The following FRMD4A variants were observed in gnomAD, a reference collection of about 807,000 sequenced individuals.
The protein encoded by FRMD4A is FERM domain containing 4A.
Under a neutral mutation model 129.1 loss-of-function variants are expected in FRMD4A, and 29 were observed. The ratio of observed to expected loss-of-function variants is 0.22; its 90% CI spans 0.17 to 0.31. FRMD4A has a LOEUF of 0.31. Among genes scored for constraint, FRMD4A ranks in the 10% least tolerant of loss-of-function variants. The pLI is 1.00. For synonymous variants in FRMD4A, 634 were observed against 571.6 expected, an observed-to-expected ratio of 1.11 and a Z score of -1.56; for missense variants, 1,272 against 1,375.8, an observed-to-expected ratio of 0.92 and a Z score of 1.19.
chr10:13,841,274 G>C (rs1285010021), intron 3 of FRMD4A, among the ~76,000 whole-genome samples: 1 of 152,198 alleles, frequency 6.6e-6, no homozygotes, highest in Admixed American at 6.5e-5. Flanking sequence ...TAAAGAATTT[G>C]ACTGGCTTTT....
At chr10:14,097,939 C>T (rs2400034) in intron 2 of FRMD4A, among the ~76,000 whole-genome samples, 72,412 of 142,312 alleles carry the variant, frequency 0.51, 18,476 homozygotes, top group East Asian at 0.6. Flanking sequence ...TTGTATATTA[C>T]ATATATTATA....
chr10:13,784,119 T>G (rs905777988), intron 5 of FRMD4A, among the ~76,000 whole-genome samples: 1 of 152,082 alleles, frequency 6.6e-6, no homozygotes, highest in African/African-American at 2.4e-5. Context: ...CTGGGGCTCT[T>G]GGAAACTGGG....
intron 2 of FRMD4A, among the ~76,000 whole-genome samples, chr10:14,129,253 C>A (rs1325581754): frequency 1.3e-5 from 2 of 151,206 alleles, no homozygotes; most frequent in Non-Finnish European, 2.9e-5. Context: ...ATTCAAGGAA[C>A]CAAGGCACAG....
intron 3 of FRMD4A, among the ~76,000 whole-genome samples, chr10:13,839,869 C>A (rs937741973): frequency 6.6e-6 from 1 of 152,176 alleles, no homozygotes; most frequent in Non-Finnish European, 1.5e-5. Flanking sequence ...AAACACTGAG[C>A]CTGCTGTCTT....
chr10:14,195,042 C>A (rs1466868212), intron 2 of FRMD4A, among the ~76,000 whole-genome samples: 2 of 152,046 alleles, frequency 1.3e-5, no homozygotes, highest in Non-Finnish European at 2.9e-5. Context: ...TTCTTTCATT[C>A]CTTAAAAGTG....
chr10:13,707,420 C>T, intron 12 of FRMD4A: 1 of 1,072,692 alleles, frequency 9.3e-7, no homozygotes, highest in Non-Finnish European at 1.1e-6. Flanking sequence ...CAGTCCCCAG[C>T]TTGGCAGACT....
intron 8 of FRMD4A, among the ~76,000 whole-genome samples, chr10:13,755,702 A>G (rs2091831342): frequency 1.3e-5 from 2 of 152,192 alleles, no homozygotes; most frequent in African/African-American, 2.4e-5. Context: ...TTTGTTTTAA[A>G]GAAACAGAAT....
At chr10:13,717,777 C>A (rs1429864276) in intron 12 of FRMD4A, among the ~76,000 whole-genome samples, 5 of 146,214 alleles carry the variant, frequency 3.4e-5, no homozygotes, top group African/African-American at 1.3e-4. Flanking sequence ...TATCCAGAGA[C>A]GTGGCATCAT....
At chr10:13,925,012 C>T (rs574142243) in intron 2 of FRMD4A, among the ~76,000 whole-genome samples, 74 of 136,822 alleles carry the variant, frequency 5.4e-4, no homozygotes, top group African/African-American at 2.0e-3. Context: ...TGCAGTGAGC[C>T]GAGATTGCAC....
chr10:13,657,072 C>T lies in FRMD4A; in HGVS notation c.2517G>A (p.Leu839=). ...SSQYRIKEYP[L]YIEGGATPVV... ...CGGGCGTGGCGCCGCCCTCGATGTA[C>T]AGCGGGTACTCCTTGATGCGGTACT... The change falls in exon 22 of 25, where the codon CTG becomes CTA. Residue 839 remains leucine, a synonymous_variant. Coordinates refer to ENST00000357447, the MANE Select transcript of FRMD4A (RefSeq NM_018027.5). 1 of 1,577,762 alleles carries T rather than the reference C, an allele frequency of 6.3e-7. No homozygotes were observed. Among genetic ancestry groups the T allele is most frequent in the Non-Finnish European group, 8.6e-7 (1 of 1,168,300 alleles).
At chr10:13,944,737 T>C (rs1451117326) in intron 2 of FRMD4A, among the ~76,000 whole-genome samples, 2 of 152,250 alleles carry the variant, frequency 1.3e-5, no homozygotes, top group African/African-American at 4.8e-5. Flanking sequence ...CCTCATTTGC[T>C]GACTTATCAT....
At chr10:14,089,640 C>CAAAAAAAAAAA (rs759243260) in intron 2 of FRMD4A, among the ~76,000 whole-genome samples, 17 of 70,210 alleles carry the variant, frequency 2.4e-4, no homozygotes, top group South Asian at 4.3e-4. Context: ...CAAAAAAAAA[C>CAAAAAAAAAAA]AAACAAAAAA....
chr10:13,908,588 C>T (rs12264031), intron 2 of FRMD4A, among the ~76,000 whole-genome samples: 4,359 of 152,310 alleles, frequency 0.029, 204 homozygotes, highest in African/African-American at 0.099. Context: ...GATGTGTCTA[C>T]GTTCTCCAGC....
chr10:14,032,994 C>T (rs1269145550), intron 2 of FRMD4A, among the ~76,000 whole-genome samples: 1 of 152,164 alleles, frequency 6.6e-6, no homozygotes, highest in African/African-American at 2.4e-5. Flanking sequence ...ATCTGCGAGG[C>T]TCCACTACGT....
chr10:13,945,578 T>G (rs2095325464), intron 2 of FRMD4A, among the ~76,000 whole-genome samples: 1 of 152,142 alleles, frequency 6.6e-6, no homozygotes, highest in African/African-American at 2.4e-5. Flanking sequence ...GTTTCAGATG[T>G]CTCATGGGCA....
intron 16 of FRMD4A, among the ~76,000 whole-genome samples, chr10:13,673,421 A>G (rs59906760): frequency 0.098 from 14,928 of 152,164 alleles, 1,726 homozygotes; most frequent in African/African-American, 0.28. Flanking sequence ...GGAGGGGTAT[A>G]CGTCTCTTTG....
intron 4 of FRMD4A, among the ~76,000 whole-genome samples, chr10:13,803,450 G>C (rs1214353006): frequency 6.6e-6 from 1 of 152,128 alleles, no homozygotes; most frequent in Non-Finnish European, 1.5e-5. Context: ...TCCCATCTCA[G>C]ACTCCTGAAT....
rs1408220185 is a variant in FRMD4A at position 13,871,852 on chromosome 10, TGCCTCCCTTGCTA to T, written c.46-12953_46-12941del. Among the ~76,000 whole-genome samples, 3 of 152,334 alleles carry T rather than the reference TGCCTCCCTTGCTA, an allele frequency of 2.0e-5. No individual in the cohort carries two copies. The East Asian group carries it at 5.8e-4, about 29-fold the overall frequency. On this transcript the variant is annotated intron_variant, in intron 2 of 24. Transcript: ENST00000357447. ...ACCCAGAGGTCTGAGCCACACACTG[TGCCTCCCTTGCTA>T]CCCTCCCTGAGCCACACCGCCGGGG... is the stretch of plus-strand genomic sequence containing the variant.
At chr10:14,223,558 T>A (rs1843331856) in intron 2 of FRMD4A, among the ~76,000 whole-genome samples, 1 of 151,950 alleles carries the variant, frequency 6.6e-6, no homozygotes, top group Non-Finnish European at 1.5e-5. Context: ...CTGGACAACA[T>A]AGGGAAACCC....
Sources: gnomAD v4.1 joint callset for allele counts (sites outside exome capture counted in the v4.1 genomes callset) on GRCh38, gnomAD v4.1.1 for gene constraint, MANE v1.5 for transcripts, NCBI Gene and HGNC (gene_info 2026-07-23, HGNC 2026-07-21) for gene names.